The following RAB38 variants were observed in gnomAD, a reference collection of about 807,000 sequenced individuals.
RAB38 encodes the protein RAB38, member RAS oncogene family.
RAB38 carries 15 observed loss-of-function variants against 18.4 expected under a neutral mutation model. The observed-to-expected ratio is 0.82, with a 90% CI of 0.55 to 1.26. The LOEUF is 1.26. Ranked by LOEUF, RAB38 falls within the 50% of genes most tolerant of loss-of-function variation. The pLI is 0.00. For missense variants in RAB38, 294 were observed against 267.4 expected (o/e 1.10, Z -0.69); for synonymous variants, 101 against 104.4 (o/e 0.97, Z 0.20).
chr11:87,938,467 C>G, the RAB38 span, among the ~76,000 whole-genome samples: 1 of 152,172 alleles, frequency 6.6e-6, no homozygotes, highest in South Asian at 2.1e-4. Context: ...TTCTTTACAG[C>G]CTCACAAAGG....
At chr11:88,093,904 G>A in the RAB38 span, among the ~76,000 whole-genome samples, 5,832 of 151,918 alleles carry the variant, frequency 0.038, 200 homozygotes, top group East Asian at 0.15. Flanking sequence ...TTTTCTAAAA[G>A]ATATACTTAT....
At chr11:87,956,878 C>CG in the RAB38 span, among the ~76,000 whole-genome samples, 1 of 151,948 alleles carries the variant, frequency 6.6e-6, no homozygotes, top group African/African-American at 2.4e-5. Flanking sequence ...TCCCTCCCCC[C>CG]ACCTTCAGTT....
the RAB38 span, among the ~76,000 whole-genome samples, chr11:87,974,171 C>T: frequency 1.3e-5 from 2 of 151,540 alleles, no homozygotes; most frequent in Non-Finnish European, 2.9e-5. Flanking sequence ...CAAAATGATC[C>T]AGTTATTAGA....
the RAB38 span, among the ~76,000 whole-genome samples, chr11:88,077,028 G>GAAAAGAAAAGAAAAGAAAAGA: frequency 5.4e-4 from 51 of 94,098 alleles, 1 homozygote; most frequent in African/African-American, 7.6e-4. Flanking sequence ...GAAAAGAAAA[G>GAAAAGAAAAGAAAAGAAAAGA]AAAGAAAGCA....
chr11:88,035,125 G>T, the RAB38 span, among the ~76,000 whole-genome samples: 1 of 152,112 alleles, frequency 6.6e-6, no homozygotes, highest in Non-Finnish European at 1.5e-5. Context: ...TCGTCATCTT[G>T]TAAACTCTCT....
At chr11:88,024,743 G>T in the RAB38 span, among the ~76,000 whole-genome samples, 5 of 152,108 alleles carry the variant, frequency 3.3e-5, no homozygotes, top group South Asian at 8.3e-4. Context: ...AGAACTGGAT[G>T]AAATAAACCA....
At chr11:88,142,479 G>T (rs939961178) in intron 2 of RAB38, among the ~76,000 whole-genome samples, 1 of 152,170 alleles carries the variant, frequency 6.6e-6, no homozygotes, top group African/African-American at 2.4e-5. Flanking sequence ...TTTACAGCCA[G>T]CCCATGGTGT....
Position 88,114,128 on chromosome 11 carries a change from T to C in RAB38, c.496A>G (p.Ile166Val). The change falls in exon 3 of 3, where the codon ATT (isoleucine) becomes GTT (valine). Residue 166 changes from isoleucine (I) to valine (V), a missense_variant. Coordinates refer to ENST00000243662, the MANE Select transcript of RAB38 (RefSeq NM_022337.3). ...FETSAKENIN[I>V]DEASRCLVKH... Reference sequence around the variant, plus strand: ...ACCAGGCATCTGGAGGCTTCATCAATGTTTATATTTTCCTATGAGGGAAAA... The same window carrying C: ...ACCAGGCATCTGGAGGCTTCATCAACGTTTATATTTTCCTATGAGGGAAAA... 1.2e-6 allele frequency: 2 copies of C among 1,614,172 alleles called. No homozygotes were observed. The highest frequency in any genetic ancestry group is 8.5e-7 in the Non-Finnish European group (1 of 1,180,002).
chr11:88,044,025 T>C, the RAB38 span, among the ~76,000 whole-genome samples: 1 of 152,222 alleles, frequency 6.6e-6, no homozygotes, highest in African/African-American at 2.4e-5. Context: ...TTAATCTTAG[T>C]GCCACACTTC....
the RAB38 span, among the ~76,000 whole-genome samples, chr11:88,105,508 G>C: frequency 6.6e-6 from 1 of 152,120 alleles, no homozygotes; most frequent in Admixed American, 6.6e-5. Context: ...GGAAGTTAAA[G>C]GTTAAATCAG....
At chr11:88,059,435 A>G in the RAB38 span, among the ~76,000 whole-genome samples, 1 of 152,170 alleles carries the variant, frequency 6.6e-6, no homozygotes, top group Non-Finnish European at 1.5e-5. Context: ...GTAAGGTTTT[A>G]TGCCTCCCTC....
the RAB38 span, among the ~76,000 whole-genome samples, chr11:87,832,891 C>T: frequency 2.0e-5 from 3 of 151,792 alleles, no homozygotes; most frequent in South Asian, 6.2e-4. Flanking sequence ...GAACATCTCA[C>T]AGTGGGGGGT....
At chr11:87,974,161 C>A in the RAB38 span, among the ~76,000 whole-genome samples, 3 of 151,738 alleles carry the variant, frequency 2.0e-5, no homozygotes, top group East Asian at 1.9e-4. Flanking sequence ...ACACAGATAT[C>A]AAAATGATCC....
At chr11:88,034,592 T>C in the RAB38 span, among the ~76,000 whole-genome samples, 2 of 152,240 alleles carry the variant, frequency 1.3e-5, no homozygotes, top group African/African-American at 4.8e-5. Flanking sequence ...ATGTCACTAG[T>C]GGCTACTGAT....
chr11:88,140,465 G>C (rs1195129426), intron 2 of RAB38, among the ~76,000 whole-genome samples: 1 of 152,204 alleles, frequency 6.6e-6, no homozygotes, highest in East Asian at 1.9e-4. Flanking sequence ...TAAACACTGA[G>C]CAAGTGATTA....
the RAB38 span, among the ~76,000 whole-genome samples, chr11:87,972,595 G>T: frequency 6.6e-6 from 1 of 152,036 alleles, no homozygotes; most frequent in South Asian, 2.1e-4. Flanking sequence ...CTGACCTCTG[G>T]AAGTTCATCA....
chr11:88,032,741 G>A, the RAB38 span, among the ~76,000 whole-genome samples: 1 of 152,188 alleles, frequency 6.6e-6, no homozygotes, highest in African/African-American at 2.4e-5. Flanking sequence ...GTGCTGGAGA[G>A]GATGTGAAGA....
the RAB38 span, among the ~76,000 whole-genome samples, chr11:88,055,408 A>G: frequency 6.6e-6 from 1 of 152,232 alleles, no homozygotes; most frequent in Non-Finnish European, 1.5e-5. Context: ...CAGTAACATG[A>G]ATAATATGAG....
the RAB38 span, among the ~76,000 whole-genome samples, chr11:87,872,729 C>T: frequency 4.0e-5 from 6 of 151,460 alleles, no homozygotes; most frequent in Non-Finnish European, 8.9e-5. Context: ...TTCAGATTTG[C>T]TTCTTTCATT....
Sources: gnomAD v4.1 joint callset for allele counts (sites outside exome capture counted in the v4.1 genomes callset) on GRCh38, gnomAD v4.1.1 for gene constraint, MANE v1.5 for transcripts, NCBI Gene and HGNC (gene_info 2026-07-23, HGNC 2026-07-21) for gene names.